Variants in PLPPR1 observed in about 807,000 individuals in gnomAD.
The protein encoded by PLPPR1 is phospholipid phosphatase-related protein type 1.
In PLPPR1, 10 loss-of-function variants were observed where a neutral mutation model predicts 33.1. The ratio of observed to expected loss-of-function variants is 0.30; its 90% CI spans 0.19 to 0.51. PLPPR1 has a LOEUF of 0.51. Among genes scored for constraint, PLPPR1 ranks in the 20% least tolerant of loss-of-function variants. The pLI, the probability that PLPPR1 is intolerant of heterozygous loss-of-function variation, is 0.97. For synonymous variants in PLPPR1, 151 were observed against 151.0 expected (o/e 1.00, Z 0.00); for missense variants, 304 against 408.1 (o/e 0.74, Z 2.20).
intron 2 of PLPPR1, among the ~76,000 whole-genome samples, chr9:101,222,364 GA>G (rs1826962860): frequency 6.6e-6 from 1 of 152,166 alleles, no homozygotes; most frequent in African/African-American, 2.4e-5. Context: ...AATTGTATGT[GA>G]TGTGGCTTGT....
intron 4 of PLPPR1, among the ~76,000 whole-genome samples, chr9:101,303,697 T>C (rs1421176519): frequency 6.6e-6 from 1 of 152,220 alleles, no homozygotes; most frequent in African/African-American, 2.4e-5. Context: ...ACAGAGTAGC[T>C]TTTCAACATA....
At chr9:101,277,499 C>T (rs1450056713) in intron 3 of PLPPR1, among the ~76,000 whole-genome samples, 1 of 152,182 alleles carries the variant, frequency 6.6e-6, no homozygotes, top group Non-Finnish European at 1.5e-5. Flanking sequence ...CAAGAAATCA[C>T]GCTGGCCTTG....
intron 1 of PLPPR1, among the ~76,000 whole-genome samples, chr9:101,046,956 A>AT (rs1311675916): frequency 6.6e-6 from 1 of 152,032 alleles, no homozygotes; most frequent in Non-Finnish European, 1.5e-5. Flanking sequence ...GGTCACATTG[A>AT]TCTCACTAGA....
intron 3 of PLPPR1, among the ~76,000 whole-genome samples, chr9:101,272,496 A>G (rs1240419283): frequency 6.6e-6 from 1 of 152,226 alleles, no homozygotes; most frequent in Admixed American, 6.5e-5. Flanking sequence ...ATAAAAACAA[A>G]CTGGTAGATT....
chr9:101,225,202 G>C (rs115270046), intron 2 of PLPPR1, among the ~76,000 whole-genome samples: 1,671 of 152,258 alleles, frequency 0.011, 30 homozygotes, highest in African/African-American at 0.037. Context: ...ATTTGTGTTT[G>C]TGCAGGAATC....
intron 2 of PLPPR1, among the ~76,000 whole-genome samples, chr9:101,238,149 A>G (rs1386484201): frequency 2.2e-5 from 3 of 138,924 alleles, no homozygotes; most frequent in Admixed American, 1.4e-4. Context: ...ACACATATAT[A>G]TACATATACA....
intron 2 of PLPPR1, among the ~76,000 whole-genome samples, chr9:101,212,535 T>G (rs535738665): frequency 6.6e-6 from 1 of 152,344 alleles, no homozygotes; most frequent in South Asian, 2.1e-4. Flanking sequence ...ATTTGCATAT[T>G]TTATCTTATG....
At chr9:101,171,468 G>A (rs1009602841) in intron 1 of PLPPR1, among the ~76,000 whole-genome samples, 1 of 152,118 alleles carries the variant, frequency 6.6e-6, no homozygotes, top group Non-Finnish European at 1.5e-5. Flanking sequence ...TGCTTTAGTC[G>A]GGGATAGCTC....
chr9:101,291,806 A>G (rs1828514900), intron 4 of PLPPR1, among the ~76,000 whole-genome samples: 2 of 152,182 alleles, frequency 1.3e-5, no homozygotes, highest in African/African-American at 4.8e-5. Flanking sequence ...ACCATCATCA[A>G]AGACCAAAGG....
intron 1 of PLPPR1, among the ~76,000 whole-genome samples, chr9:101,101,498 G>T (rs1037857743): frequency 1.3e-5 from 2 of 149,854 alleles, no homozygotes; most frequent in African/African-American, 4.9e-5. Context: ...GAAGACCTGA[G>T]GATAATCTGA....
chr9:101,230,828 GT>G lies in PLPPR1; in HGVS notation c.64-39039del, dbSNP rs5899435. 1.1e-3 allele frequency among the ~76,000 whole-genome samples: 166 copies of G among 145,748 alleles called. No individual in the cohort carries two copies. The East Asian group carries it at 0.014, about 12-fold the overall frequency. On this transcript the variant is annotated intron_variant, in intron 2 of 7. Transcript: ENST00000374874. ...CATCAGACTTTTAGACATTATTAAA[GT>G]TTTTTTTTTTTTGAACTAGTCATTC...
At chr9:101,116,809 A>G (rs1207104020) in intron 1 of PLPPR1, among the ~76,000 whole-genome samples, 1 of 46,108 alleles carries the variant, frequency 2.2e-5, no homozygotes, top group Admixed American at 1.9e-4. Flanking sequence ...CTCCATCTCA[A>G]AAAAAAAAAA....
At chr9:101,123,627 A>G (rs1346900568) in intron 1 of PLPPR1, among the ~76,000 whole-genome samples, 1 of 152,208 alleles carries the variant, frequency 6.6e-6, no homozygotes, top group African/African-American at 2.4e-5. Context: ...GGTGGTGAGA[A>G]TGTGGAGGTC....
chr9:101,052,246 G>C (rs1041434701), intron 1 of PLPPR1, among the ~76,000 whole-genome samples: 2 of 152,078 alleles, frequency 1.3e-5, no homozygotes, highest in African/African-American at 4.8e-5. Flanking sequence ...TCTGAACATA[G>C]CTTTAAGACC....
chr9:101,163,130 G>C (rs1294011576), intron 1 of PLPPR1, among the ~76,000 whole-genome samples: 2 of 152,186 alleles, frequency 1.3e-5, no homozygotes, highest in Non-Finnish European at 2.9e-5. Context: ...CTTTTTATCT[G>C]TGTGAATAAG....
intron 1 of PLPPR1, among the ~76,000 whole-genome samples, chr9:101,111,163 T>A: frequency 6.6e-6 from 1 of 152,154 alleles, no homozygotes; most frequent in Admixed American, 6.5e-5. Flanking sequence ...GTGATTTTTA[T>A]ATTCTTCTTT....
chr9:101,282,611 C>T (rs1254001777), intron 3 of PLPPR1, among the ~76,000 whole-genome samples: 1 of 152,100 alleles, frequency 6.6e-6, no homozygotes, highest in East Asian at 1.9e-4. Context: ...GAAGCAAAAA[C>T]ATTAAATTTT....
At position 101,324,795 on chromosome 9, in the gene PLPPR1, GTCAAC is replaced by G. The variant is rs1336160901; in HGVS notation, c.*744_*748del. The G allele has an allele frequency of 1.3e-5, 2 of 152,520 alleles. No individual in the cohort carries two copies. The highest frequency in any genetic ancestry group is 4.8e-5 in the African/African-American group (2 of 41,404). The allele number at this position is 152,520 out of a possible 1,614,324, so 9.4% of individuals were successfully genotyped here. A position where few individuals can be genotyped will look rare whatever the true frequency, so the allele number is the denominator to read the frequency against. On this transcript the variant is annotated 3_prime_UTR_variant, in exon 8 of 8. Transcript: ENST00000374874. ...AAAGCAGCCAACATCAGCCTCCCCT[GTCAAC>G]TCAACAGTTTTGTATCTCATATTAT...
intron 2 of PLPPR1, among the ~76,000 whole-genome samples, chr9:101,216,503 T>G (rs868665257): frequency 2.6e-5 from 4 of 152,222 alleles, no homozygotes; most frequent in African/African-American, 9.6e-5. Flanking sequence ...TGCTGATTGA[T>G]TCCTTTGCTA....
Sources: gnomAD v4.1 joint callset for allele counts (sites outside exome capture counted in the v4.1 genomes callset) on GRCh38, gnomAD v4.1.1 for gene constraint, MANE v1.5 for transcripts, NCBI Gene and HGNC (gene_info 2026-07-23, HGNC 2026-07-21) for gene names.